Variants in MBD3 observed in about 807,000 individuals in gnomAD.
The protein encoded by MBD3 is methyl-CpG binding domain protein 3, also known as methyl-CpG-binding domain protein 3.
Under a neutral mutation model 31.2 loss-of-function variants are expected in MBD3, and 13 were observed. That is an observed-to-expected ratio of 0.42 (90% CI 0.27 to 0.66). MBD3 has a LOEUF of 0.66. Ranked by LOEUF, MBD3 falls within the 30% of genes least tolerant of loss-of-function variation. The pLI, the probability that MBD3 is intolerant of heterozygous loss-of-function variation, is 0.26. For synonymous variants in MBD3, 223 were observed against 187.4 expected (o/e 1.19, Z -1.55); for missense variants, 440 against 426.5 (o/e 1.03, Z -0.28).
rs573128427 is a variant in MBD3, at chr19:1,587,034, T to C, written c.111-1820A>G. On this transcript the variant is annotated intron_variant, in intron 1 of 6. Transcript: ENST00000434436. The stretch of plus-strand genomic sequence containing the variant: ...AGGCTAGAGTGCAGTGGTGCGATCT[T>C]GGCTCACTGCAACCTCCGACTTCCG... Among the ~76,000 whole-genome samples, 218 of 150,460 alleles carry C rather than the reference T, an allele frequency of 1.4e-3. 1 individual carries two copies. The highest frequency in any genetic ancestry group is 5.1e-3 in the African/African-American group (210 of 40,890).
In MBD3 at chr19:1,585,420, A is replaced by C. The variant is rs1599345637; in HGVS notation, c.111-206T>G. 1.8e-6 allele frequency: 1 copy of C among 558,514 alleles called. No individual in the cohort carries two copies. Among genetic ancestry groups the C allele is most frequent in the East Asian group, 3.0e-5 (1 of 33,120 alleles). The allele number at this position is 558,514 out of a possible 1,614,324, so 34.6% of individuals were successfully genotyped here. ...TGGCGTGACCCCAGACCTTCATCCC[A>C]GACCCCAGCACCCCACAACTGGCCC... On this transcript the variant is annotated intron_variant, in intron 1 of 6. Transcript: ENST00000434436. This position sits in a 1 kb window ranked among gnomAD's most constrained non-coding sequence, Gnocchi z 4.1.
intron 3 of MBD3, among the ~76,000 whole-genome samples, chr19:1,583,558 T>A (rs998007600): frequency 4.6e-5 from 7 of 151,320 alleles, no homozygotes; most frequent in South Asian, 2.1e-4. Context: ...GGAAAAAAAA[T>A]AAATAAATAC....
At chr19:1,579,212 A>C (rs1421183025) in intron 5 of MBD3, among the ~76,000 whole-genome samples, 10 of 138,954 alleles carry the variant, frequency 7.2e-5, no homozygotes, top group African/African-American at 2.7e-4. Flanking sequence ...AAAAAAAAGC[A>C]AGCCTCACCA....
intron 1 of MBD3, among the ~76,000 whole-genome samples, chr19:1,588,624 AC>A (rs1177170022): frequency 2.6e-5 from 4 of 151,846 alleles, no homozygotes; most frequent in Non-Finnish European, 5.9e-5. Context: ...CTACTAAAAT[AC>A]AAAAAATTGG....
In MBD3 at chr19:1,578,388, C is replaced by T. The variant is rs542843913; in HGVS notation, c.828G>A (p.Glu276=). The T allele has an allele frequency of 1.2e-6, 2 of 1,604,390 alleles. No individual in the cohort carries two copies. The highest frequency in any genetic ancestry group is 2.7e-5 in the African/African-American group (2 of 75,064). Residue 276 remains glutamate, a synonymous_variant, in exon 6 of 7, where the codon GAG becomes GAA. Transcript: ENST00000434436. This position sits in a 1 kb window ranked among gnomAD's most constrained non-coding sequence, Gnocchi z 6.1. ...CAEDDDEEDE[E]EEEEEPDPDP... ...CCGGGTCGGGCTCCTCCTCCTCCTC[C>T]TCCTCGTCTTCCTCGTCGTCGTCCT...
intron 3 of MBD3, among the ~76,000 whole-genome samples, chr19:1,583,914 C>T (rs1461804512): frequency 2.0e-5 from 3 of 151,650 alleles, no homozygotes; most frequent in Non-Finnish European, 4.4e-5. Flanking sequence ...CTCCACCTCC[C>T]GGGTTCAAGT....
chr19:1,585,072 A>C lies in MBD3; in HGVS notation c.253T>G (p.Ser85Ala), dbSNP rs1294910379. 2.5e-6 allele frequency: 4 copies of C among 1,612,194 alleles called. No homozygotes were observed. Among genetic ancestry groups the C allele is most frequent in the Non-Finnish European group, 1.7e-6 (2 of 1,179,350 alleles). ...NKSRQRVRYD[S>A]SNQVKGKPDL... ...CCACTCACCTTGACCTGGTTGGAGG[A>C]GTCGTAGCGCACGCGCTGGCGGCTC... The change falls in exon 2 of 7, where the codon TCC becomes GCC. Residue 85 changes from serine to alanine, a missense_variant. Physicochemically the swap from Ser to Ala is moderately conservative, Grantham distance 99 (BLOSUM62 1). Around this residue, in one of 3 missense-constraint regions of MBD3, gnomAD observed 179 missense variants for 134.7 expected, o/e 1.33. Coordinates refer to ENST00000434436, the MANE Select transcript of MBD3 (RefSeq NM_001281453.2). The surrounding 1 kb of genome is among the most constrained non-coding windows in gnomAD (Gnocchi z 4.1).
chr19:1,587,404 ATTTC>A (rs1313243833), intron 1 of MBD3, among the ~76,000 whole-genome samples: 1 of 149,116 alleles, frequency 6.7e-6, no homozygotes, highest in African/African-American at 2.5e-5. Context: ...CTGCTGCTTC[ATTTC>A]TTTTTTTTTT....
rs374824529 is a variant in MBD3 at position 1,578,054 on chromosome 19, G to A, written c.*110C>T. Reference sequence around the variant, plus strand: ...GAGCCAGGAGCACGGCCTTCCTCCTGGGTGTCTCCAAGGCTGGGCTTCGCC... The same window carrying A: ...GAGCCAGGAGCACGGCCTTCCTCCTAGGTGTCTCCAAGGCTGGGCTTCGCC... On this transcript the variant is annotated 3_prime_UTR_variant, in exon 7 of 7. Transcript: ENST00000434436. The surrounding 1 kb of genome is among the most constrained non-coding windows in gnomAD (Gnocchi z 6.1). 7.3e-6 allele frequency: 4 copies of A among 549,306 alleles called. No individual in the cohort carries two copies. The highest frequency in any genetic ancestry group is 5.7e-5 in the African/African-American group (3 of 52,920). 34.0% of individuals were successfully genotyped at this position (549,306 alleles called of 1,614,324 possible).
intron 1 of MBD3, among the ~76,000 whole-genome samples, chr19:1,587,493 C>T (rs1012836199): frequency 6.6e-6 from 1 of 152,000 alleles, no homozygotes; most frequent in African/African-American, 2.4e-5. Context: ...CAGCACACTG[C>T]AGCCTTGACC....
chr19:1,582,413 C>T (rs1313706507), intron 4 of MBD3, among the ~76,000 whole-genome samples: 1 of 152,090 alleles, frequency 6.6e-6, no homozygotes, highest in Non-Finnish European at 1.5e-5. Flanking sequence ...GCAGGGTCTC[C>T]AAGGTCAAGA....
At chr19:1,586,557 G>A (rs2060680091) in intron 1 of MBD3, among the ~76,000 whole-genome samples, 1 of 152,280 alleles carries the variant, frequency 6.6e-6, no homozygotes, top group Middle Eastern at 3.4e-3. Context: ...TGCCCAGGCT[G>A]GAATGCAATG....
chr19:1,585,353 C>A lies in MBD3; in HGVS notation c.111-139G>T. 1 of 928,990 alleles carries A rather than the reference C, an allele frequency of 1.1e-6. No homozygotes were observed. Among genetic ancestry groups the A allele is most frequent in the Non-Finnish European group, 1.6e-6 (1 of 626,178 alleles). The allele number at this position is 928,990 out of a possible 1,614,324, so 57.5% of individuals were successfully genotyped here. On this transcript the variant is annotated intron_variant, in intron 1 of 6. Coordinates refer to ENST00000434436, the MANE Select transcript of MBD3 (RefSeq NM_001281453.2). The surrounding 1 kb of genome is among the most constrained non-coding windows in gnomAD (Gnocchi z 4.1). ...CCAGACCCCAACACGGCCCTGACCC[C>A]AAACCCAGGCAGGCCCTGGCCCCAG...
intron 5 of MBD3, among the ~76,000 whole-genome samples, chr19:1,580,790 TCC>T (rs1917334041): frequency 6.6e-6 from 1 of 152,178 alleles, no homozygotes; most frequent in African/African-American, 2.4e-5. Context: ...GCCCTGTCCC[TCC>T]GTCTCCAGGG....
chr19:1,584,400 T>C, intron 3 of MBD3, 140 bp downstream of exon 3: 3 of 1,300,458 alleles, frequency 2.3e-6, no homozygotes, highest in Non-Finnish European at 3.3e-6. Context: ...ACTTGTTTTT[T>C]GCCTCGTCAT....
In MBD3 at chr19:1,578,737, G is replaced by T. The variant is rs967505127; in HGVS notation, c.678-199C>A. Among the ~76,000 whole-genome samples the T allele has an allele frequency of 3.3e-5, 5 of 152,098 alleles. No individual in the cohort carries two copies. The highest frequency in any genetic ancestry group is 1.2e-4 in the African/African-American group (5 of 41,424). ...CCGGCTGCCGCTGGCCATCGCCAGC[G>T]TCCGCCACCCTCCCAGATGGCCCCC... On this transcript the variant is annotated intron_variant, in intron 5 of 6. Transcript: ENST00000434436. This position sits in a 1 kb window ranked among gnomAD's most constrained non-coding sequence, Gnocchi z 6.1.
At chr19:1,581,771 C>T (rs570138797) in intron 4 of MBD3, 2 of 161,884 alleles carry the variant, frequency 1.2e-5, no homozygotes, top group South Asian at 2.6e-4. Flanking sequence ...TGCTCTGTAT[C>T]TTTTTTTTTT....
chr19:1,580,659 T>C (rs1218492173), intron 5 of MBD3, among the ~76,000 whole-genome samples: 1 of 152,220 alleles, frequency 6.6e-6, no homozygotes, highest in Admixed American at 6.5e-5. Context: ...CAGCCTCACC[T>C]GACTGTTGCC....
In MBD3 at chr19:1,585,184, C is replaced by T. The variant is rs763747010; in HGVS notation, c.141G>A (p.Pro47=). The stretch of plus-strand genomic sequence containing the variant: ...AGCCGCCCAGGTAGCGCGCCAGCTG[C>T]GGCTTGCTGCGGAACTTCTTCCCGC... ...SPSGKKFRSK[P]QLARYLGGSM... The change falls in exon 2 of 7, where the codon CCG becomes CCA. Residue 47 remains proline, a synonymous_variant. Transcript: ENST00000434436. The surrounding 1 kb of genome is among the most constrained non-coding windows in gnomAD (Gnocchi z 4.1). 1.1e-5 allele frequency: 17 copies of T among 1,604,758 alleles called. No homozygotes were observed. The highest frequency in any genetic ancestry group is 1.7e-5 in the Admixed American group (1 of 59,776).
Sources: allele counts gnomAD v4.1 joint callset (sites outside exome capture counted in the v4.1 genomes callset), GRCh38; gene constraint gnomAD v4.1.1; regional missense constraint gnomAD v4.1.1; non-coding constraint Gnocchi (gnomAD v3.1); transcripts MANE v1.5; gene names NCBI Gene and HGNC (gene_info 2026-07-23, HGNC 2026-07-21).